The following ROBO2 variants were observed in gnomAD, a reference collection of about 807,000 sequenced individuals.
ROBO2 encodes the protein roundabout guidance receptor 2.
In ROBO2, 53 loss-of-function variants were observed where a neutral mutation model predicts 160.8. The observed-to-expected ratio is 0.33, with a 90% CI of 0.26 to 0.41. The LOEUF (loss-of-function observed/expected upper bound fraction) is 0.41, where lower values mean the gene tolerates loss of function less well. Among genes scored for constraint, ROBO2 ranks in the 10% least tolerant of loss-of-function variants. The pLI is 1.00. For missense variants in ROBO2, 1,577 were observed against 1,722.4 expected (o/e 0.92, Z 1.49); for synonymous variants, 664 against 611.7 (o/e 1.09, Z -1.26).
At chr3:76,600,564 G>T (rs552013293) in intron 2 of ROBO2, among the ~76,000 whole-genome samples, 8 of 152,292 alleles carry the variant, frequency 5.3e-5, no homozygotes, top group African/African-American at 1.9e-4. Flanking sequence ...AGAACCAAGT[G>T]AAGTGGGTTT....
intron 2 of ROBO2, among the ~76,000 whole-genome samples, chr3:76,221,734 T>C (rs898909685): frequency 5.3e-5 from 8 of 152,208 alleles, no homozygotes; most frequent in African/African-American, 7.2e-5. Context: ...ATGGACTTCA[T>C]GACCATGAGC....
At chr3:77,187,450 A>G (rs2081383142) in intron 2 of ROBO2, among the ~76,000 whole-genome samples, 1 of 151,946 alleles carries the variant, frequency 6.6e-6, no homozygotes, top group African/African-American at 2.4e-5. Context: ...GTCTATGTCA[A>G]AACAGTAAAA....
intron 2 of ROBO2, among the ~76,000 whole-genome samples, chr3:76,918,774 G>A (rs976654616): frequency 3.3e-5 from 5 of 151,996 alleles, no homozygotes; most frequent in Non-Finnish European, 5.9e-5. Flanking sequence ...AATAATTTAC[G>A]TTCCCACCAA....
intron 2 of ROBO2, among the ~76,000 whole-genome samples, chr3:76,616,853 G>A (rs542054290): frequency 5.0e-4 from 76 of 152,092 alleles, no homozygotes; most frequent in Admixed American, 2.0e-3. Flanking sequence ...CTCAAACTCC[G>A]GGGCCCAAGT....
chr3:76,910,619 G>T (rs951865078), intron 2 of ROBO2, among the ~76,000 whole-genome samples: 3 of 150,604 alleles, frequency 2.0e-5, no homozygotes, highest in African/African-American at 4.9e-5. Context: ...CGAGCTACTC[G>T]GGAGGCTGAG....
At chr3:77,506,923 A>G (rs1413150463) in intron 5 of ROBO2, among the ~76,000 whole-genome samples, 1 of 152,174 alleles carries the variant, frequency 6.6e-6, no homozygotes, top group Non-Finnish European at 1.5e-5. Context: ...GGTTTGATAT[A>G]GGCATGTCAT....
chr3:77,310,028 G>T (rs756467157), intron 2 of ROBO2, among the ~76,000 whole-genome samples: 21 of 152,228 alleles, frequency 1.4e-4, no homozygotes, highest in Non-Finnish European at 2.2e-4. Context: ...AAAGCTTCAA[G>T]TTTGTTTTCT....
intron 2 of ROBO2, 22 bp from the exon 3 acceptor site, chr3:77,477,392 T>A (rs774362757): frequency 6.2e-7 from 1 of 1,612,352 alleles, no homozygotes; most frequent in Admixed American, 1.7e-5. Context: ...AGTTTTCTTT[T>A]CCTGTAATTA....
At chr3:76,375,153 C>T (rs1576760428) in intron 2 of ROBO2, among the ~76,000 whole-genome samples, 1 of 151,880 alleles carries the variant, frequency 6.6e-6, no homozygotes, top group Non-Finnish European at 1.5e-5. Flanking sequence ...TTCAGTAAAA[C>T]TGTGAGACTG....
chr3:76,212,169 A>C (rs963681241), intron 2 of ROBO2, among the ~76,000 whole-genome samples: 1 of 152,022 alleles, frequency 6.6e-6, no homozygotes, highest in African/African-American at 2.4e-5. Context: ...CAAATTTTAT[A>C]ACATTCTTTA....
At chr3:76,809,055 A>T (rs1576760005) in intron 2 of ROBO2, among the ~76,000 whole-genome samples, 1 of 152,204 alleles carries the variant, frequency 6.6e-6, no homozygotes, top group East Asian at 1.9e-4. Context: ...TGAATTAACA[A>T]ATAATAGAAT....
At chr3:76,966,105 A>G (rs1022459940) in intron 2 of ROBO2, among the ~76,000 whole-genome samples, 1 of 151,604 alleles carries the variant, frequency 6.6e-6, no homozygotes, top group Non-Finnish European at 1.5e-5. Flanking sequence ...TATTTTTAGT[A>G]GAGACGGGGT....
chr3:77,515,081 A>T (rs1173449732), intron 5 of ROBO2, among the ~76,000 whole-genome samples: 1 of 151,784 alleles, frequency 6.6e-6, no homozygotes, highest in Non-Finnish European at 1.5e-5. Context: ...TTTTGAAGTT[A>T]CTTAGACATA....
At chr3:76,332,023 C>T (rs1407963589) in intron 2 of ROBO2, among the ~76,000 whole-genome samples, 1 of 152,084 alleles carries the variant, frequency 6.6e-6, no homozygotes, top group East Asian at 1.9e-4. Context: ...GATTTGTTGT[C>T]ATGTGTGTAT....
intron 1 of ROBO2, among the ~76,000 whole-genome samples, chr3:75,908,182 T>G (rs867435298): frequency 2.6e-5 from 4 of 152,166 alleles, no homozygotes; most frequent in Non-Finnish European, 4.4e-5. Flanking sequence ...AAAATTCAGG[T>G]GTGAAATTGA....
At chr3:76,512,151 A>C (rs2081123357) in intron 2 of ROBO2, among the ~76,000 whole-genome samples, 1 of 152,150 alleles carries the variant, frequency 6.6e-6, no homozygotes, top group South Asian at 2.1e-4. Context: ...TCTGGGAGAA[A>C]CATTTTTAAA....
intron 2 of ROBO2, among the ~76,000 whole-genome samples, chr3:77,101,005 T>G (rs972775749): frequency 5.3e-5 from 8 of 152,114 alleles, no homozygotes; most frequent in Admixed American, 4.6e-4. Context: ...GGATATGAGG[T>G]TGAGAGCAGA....
At chr3:77,535,801 T>A (rs900762639) in intron 6 of ROBO2, among the ~76,000 whole-genome samples, 6 of 152,188 alleles carry the variant, frequency 3.9e-5, no homozygotes, top group Non-Finnish European at 8.8e-5. Flanking sequence ...TCTCAATTTA[T>A]ACCTATGTAT....
At chr3:77,059,214 G>A (rs2066051278) in intron 1 of ROBO2, among the ~76,000 whole-genome samples, 1 of 152,122 alleles carries the variant, frequency 6.6e-6, no homozygotes, top group African/African-American at 2.4e-5. Flanking sequence ...AGAATTCTAG[G>A]TAGAAGGAAG....
Sources: allele counts gnomAD v4.1 joint callset (sites outside exome capture counted in the v4.1 genomes callset), GRCh38; gene constraint gnomAD v4.1.1; transcripts MANE v1.5; gene names NCBI Gene and HGNC (gene_info 2026-07-23, HGNC 2026-07-21).